Variants in PGR observed in about 807,000 individuals in gnomAD.
PGR encodes the protein progesterone receptor.
A neutral mutation model predicts 76.1 loss-of-function variants in PGR; 25 were observed. That is an observed-to-expected ratio of 0.33 (90% confidence interval 0.24 to 0.46). The LOEUF (loss-of-function observed/expected upper bound fraction) is 0.46, where lower values mean the gene tolerates loss of function less well. Ranked by LOEUF, PGR falls within the 20% of genes least tolerant of loss-of-function variation. PGR has a pLI of 1.00. For synonymous variants in PGR, 579 were observed against 535.0 expected (o/e 1.08, Z -1.14); for missense variants, 1,172 against 1,225.3 (o/e 0.96, Z 0.65).
chr11:101,108,765 C>T (rs1371192386), intron 2 of PGR, among the ~76,000 whole-genome samples: 2 of 152,152 alleles, frequency 1.3e-5, no homozygotes, highest in Non-Finnish European at 1.5e-5. Context: ...TCTCAAACAG[C>T]TCTTAGCTGA....
rs1226283960 is a variant in PGR, at chr11:101,037,222, G to GT, written c.*1893dup. 9.4e-6 allele frequency: 2 copies of GT among 212,724 alleles called. No homozygotes were observed. The highest frequency in any genetic ancestry group is 4.5e-5 in the African/African-American group (2 of 44,260). 13.2% of individuals were successfully genotyped at this position (212,724 alleles called of 1,614,324 possible). A position where few individuals can be genotyped will look rare whatever the true frequency, so the allele number is the denominator to read the frequency against. ...AAGTTAGTACCTTTGTGCTGCATGG[G>GT]TATCAGTAAAATTATATGTAAATGT... is the stretch of plus-strand genomic sequence containing the variant. On this transcript the variant is annotated 3_prime_UTR_variant, in exon 8 of 8. Coordinates refer to ENST00000325455, the MANE Select transcript of PGR (RefSeq NM_000926.4).
intron 6 of PGR, among the ~76,000 whole-genome samples, chr11:101,047,075 T>C (rs1859914044): frequency 6.6e-6 from 1 of 152,188 alleles, no homozygotes; most frequent in Non-Finnish European, 1.5e-5. Flanking sequence ...TTTTCTTCCT[T>C]TTTGTGAAGT....
chr11:101,091,838 T>C lies in PGR; in HGVS notation c.1828A>G (p.Ile610Val). 6.2e-7 allele frequency: 1 copy of C among 1,611,074 alleles called. No homozygotes were observed. The highest frequency in any genetic ancestry group is 8.5e-7 in the Non-Finnish European group (1 of 1,177,306). The change falls in exon 3 of 8, where the codon ATC becomes GTC. Residue 610 changes from isoleucine to valine, a missense_variant. Around this residue, in one of 4 missense-constraint regions of PGR, gnomAD observed 40 missense variants for 82.7 expected, o/e 0.48. Coordinates refer to ENST00000325455, the MANE Select transcript of PGR (RefSeq NM_000926.4). ...NYLCAGRNDC[I>V]VDKIRRKNCP... ...TTTTTTCTGCGGATTTTATCAACGA[T>C]GCAGTCATTTCTTCCAGCACATAAG... is the stretch of plus-strand genomic sequence containing the variant.
At chr11:101,050,948 C>A in intron 5 of PGR, 1 of 248,956 alleles carries the variant, frequency 4.0e-6, no homozygotes, top group South Asian at 4.3e-5. Context: ...ATAAATATTA[C>A]CATGAAAAGA....
rs1199454716 is a variant in PGR, at chr11:101,128,504, C to T, written c.567G>A (p.Leu189=). ...GGAGCAGCAGCTGCCGGGCTGGTGA[C>T]AGGCCCCGGGGCAGCACTTTATGGG... The part of the protein sequence containing the change: ...AAAHKVLPRG[L]SPARQLLLPA... The change falls in exon 1 of 8, where the codon CTG becomes CTA. Residue 189 remains leucine (L), a synonymous_variant. Coordinates refer to ENST00000325455, the MANE Select transcript of PGR (RefSeq NM_000926.4). 1.2e-6 allele frequency: 2 copies of T among 1,604,388 alleles called. No homozygotes were observed. Among genetic ancestry groups the T allele is most frequent in the Admixed American group, 1.7e-5 (1 of 59,738 alleles).
intron 2 of PGR, among the ~76,000 whole-genome samples, chr11:101,106,559 G>T (rs1393210010): frequency 6.6e-6 from 1 of 152,144 alleles, no homozygotes; most frequent in Non-Finnish European, 1.5e-5. Context: ...AAAAAGTCAG[G>T]AAACAACAGA....
In PGR at chr11:101,053,451, T is replaced by G. The variant is rs577744438; in HGVS notation, c.2213-1883A>C. On this transcript the variant is annotated intron_variant, in intron 4 of 7. Transcript: ENST00000325455. ...GAGATGCCATAGTGAGCATTTACCT[T>G]TTACTGAGAAGGGATGCTCTTCAAT... Among the ~76,000 whole-genome samples, 12 of 152,030 alleles carry G rather than the reference T, an allele frequency of 7.9e-5. No homozygotes were observed. In the South Asian group the frequency reaches 2.3e-3, roughly 29 times the overall value.
At chr11:101,099,264 G>A (rs1231462088) in intron 2 of PGR, among the ~76,000 whole-genome samples, 1 of 152,190 alleles carries the variant, frequency 6.6e-6, no homozygotes, top group African/African-American at 2.4e-5. Context: ...CATGCAAAAT[G>A]TGGATGAACT....
At chr11:101,103,023 C>G (rs138711476) in intron 2 of PGR, among the ~76,000 whole-genome samples, 20 of 151,998 alleles carry the variant, frequency 1.3e-4, no homozygotes, top group Admixed American at 1.3e-3. Flanking sequence ...CACCACTGGT[C>G]TGATGGGAGG....
At position 101,127,689 on chromosome 11, in the gene PGR, A is replaced by C; in HGVS notation, c.1382T>G (p.Ile461Ser). 6.3e-7 allele frequency: 1 copy of C among 1,580,572 alleles called. No individual in the cohort carries two copies. The highest frequency in any genetic ancestry group is 8.5e-7 in the Non-Finnish European group (1 of 1,172,534). Residue 461 changes from isoleucine (I) to serine (S), a missense_variant, in exon 1 of 8, where the codon ATC becomes AGC. Ile to Ser is a moderately radical substitution (Grantham distance 142). Coordinates refer to ENST00000325455, the MANE Select transcript of PGR (RefSeq NM_000926.4). ...ASSSGSTLEC[I>S]LYKAEGAPPQ... ...CGGCGCGCCCTCCGCTTTGTACAGG[A>C]TGCACTCCAGGGTCGACCCCGAGGA... is the stretch of plus-strand genomic sequence containing the variant.
chr11:101,110,019 CTAT>C (rs1477429114), intron 2 of PGR, among the ~76,000 whole-genome samples: 1 of 152,100 alleles, frequency 6.6e-6, no homozygotes, highest in South Asian at 2.1e-4. Context: ...GACAGCACAT[CTAT>C]TTACAGCATG....
chr11:101,056,890 C>A (rs1262870083), intron 4 of PGR, among the ~76,000 whole-genome samples: 1 of 152,144 alleles, frequency 6.6e-6, no homozygotes, highest in Non-Finnish European at 1.5e-5. Context: ...AGTATAATCA[C>A]CAACGTATGT....
chr11:101,059,994 T>TAAGAATTCTTAGGGCACCTGC (rs1860435252), intron 4 of PGR, among the ~76,000 whole-genome samples: 1 of 151,756 alleles, frequency 6.6e-6, no homozygotes, highest in Admixed American at 6.6e-5. Flanking sequence ...TACCAGGCAA[T>TAAGAATTCTTAGGGCACCTGC]AAGAATTCTT....
In PGR at chr11:101,128,740, G is replaced by T. The variant is rs759187454; in HGVS notation, c.331C>A (p.Leu111Met). ...AACAGAGTGTCCAAGACACTGTCCA[G>T]CAGTCCGCTGTCCTTTTCTGGGGGA... ...SSPPEKDSGL[L>M]DSVLDTLLAP... The change falls in exon 1 of 8, where the codon CTG becomes ATG. Residue 111 changes from leucine to methionine, a missense_variant. Physicochemically the swap from Leu to Met is conservative, Grantham distance 15. This residue lies in a region of PGR where 893 missense variants were observed against 785.9 expected (regional missense o/e 1.14). Transcript: ENST00000325455. 2 of 1,613,164 alleles carry T rather than the reference G, an allele frequency of 1.2e-6. No homozygotes were observed. The highest frequency in any genetic ancestry group is 3.3e-4 in the Middle Eastern group (2 of 6,084).
At chr11:101,102,820 T>A (rs1344052544) in intron 2 of PGR, among the ~76,000 whole-genome samples, 3 of 135,824 alleles carry the variant, frequency 2.2e-5, no homozygotes, top group Non-Finnish European at 4.6e-5. Flanking sequence ...AGGGACAGGT[T>A]TCATGAAAGA....
chr11:101,061,652 A>C (rs1429355730), intron 4 of PGR, among the ~76,000 whole-genome samples: 3 of 152,186 alleles, frequency 2.0e-5, no homozygotes. Context: ...AAGAGAATGT[A>C]GTTTTTTAAA....
rs1053373404 is a variant in PGR at position 101,036,450 on chromosome 11, T to C, written c.*2666A>G. 1 of 200,466 alleles carries C rather than the reference T, an allele frequency of 5.0e-6. No individual in the cohort carries two copies. Among genetic ancestry groups the C allele is most frequent in the Non-Finnish European group, 1.0e-5 (1 of 97,206 alleles). The allele number at this position is 200,466 out of a possible 1,614,324, so 12.4% of individuals were successfully genotyped here. A position where few individuals can be genotyped will look rare whatever the true frequency, so the allele number is the denominator to read the frequency against. ...ATTTCAGTAACCTTCAAGTATTTCC[T>C]GATATGTAACCTGTCTTCTTATGAT... On this transcript the variant is annotated 3_prime_UTR_variant, in exon 8 of 8. Coordinates refer to ENST00000325455, the MANE Select transcript of PGR (RefSeq NM_000926.4).
chr11:101,092,948 G>C (rs1861717995), intron 2 of PGR, among the ~76,000 whole-genome samples: 1 of 152,062 alleles, frequency 6.6e-6, no homozygotes, highest in South Asian at 2.1e-4. Context: ...AAAGTTGGTA[G>C]TAAAGGAACT....
chr11:101,117,092 T>C (rs1862535874), intron 2 of PGR, among the ~76,000 whole-genome samples: 1 of 152,124 alleles, frequency 6.6e-6, no homozygotes, highest in South Asian at 2.1e-4. Flanking sequence ...TATTCTAGAG[T>C]TCTGTAAGGA....
Sources: gnomAD v4.1 joint callset for allele counts (sites outside exome capture counted in the v4.1 genomes callset) on GRCh38, gnomAD v4.1.1 for gene constraint, gnomAD v4.1.1 regional missense constraint, MANE v1.5 for transcripts, NCBI Gene and HGNC (gene_info 2026-07-23, HGNC 2026-07-21) for gene names.